EYS: variants seen among roughly 807,000 people sequenced by gnomAD.
EYS encodes the protein EGF-like photoreceptor maintenance factor, also known as protein eyes shut homolog.
EYS carries 250 observed loss-of-function variants against 282.1 expected under a neutral mutation model. The ratio of observed to expected loss-of-function variants is 0.89; its 90% confidence interval spans 0.80 to 0.98. The LOEUF is 0.98. Ranked by LOEUF, EYS falls within the 50% of genes least tolerant of loss-of-function variation. The pLI is 0.00. For synonymous variants in EYS, 1,355 were observed against 1,282.9 expected (o/e 1.06, Z -1.20); for missense variants, 4,016 against 3,709.0 (o/e 1.08, Z -2.15).
chr6:64,801,296 TAA>T (rs1042244701), intron 22 of EYS, among the ~76,000 whole-genome samples: 3 of 152,230 alleles, frequency 2.0e-5, no homozygotes, highest in Admixed American at 1.3e-4. Flanking sequence ...GAAGAAAACA[TAA>T]GTGTTTATAT....
Position 65,440,838 on chromosome 6 carries a change from A to G in EYS, c.863-35471T>C, listed in dbSNP as rs116804586. ...ACTTAATTCCTTTGTGTAGAAAAAAAATATGTGTATATATATATATATAGA... is the reference window on the plus strand; with the variant it reads ...ACTTAATTCCTTTGTGTAGAAAAAAGATATGTGTATATATATATATATAGA... On this transcript the variant is annotated intron_variant, in intron 5 of 42. Transcript: ENST00000503581. Among the ~76,000 whole-genome samples the G allele has an allele frequency of 8.6e-3, 1,250 of 145,346 alleles. 15 individuals are homozygous for G. The highest frequency in any genetic ancestry group is 0.031 in the African/African-American group (1,191 of 38,918).
In EYS at chr6:64,035,303, T is replaced by C. The variant is rs1238971627; in HGVS notation, c.6725+31035A>G. On this transcript the variant is annotated intron_variant, in intron 33 of 42. Coordinates refer to ENST00000503581, the MANE Select transcript of EYS (RefSeq NM_001142800.2). Reference sequence around the variant, plus strand: ...GATTTATATGACAGTATTAGAATAATTACAACAACCATTGAATTCCTAGAA... The same window carrying C: ...GATTTATATGACAGTATTAGAATAACTACAACAACCATTGAATTCCTAGAA... Among the ~76,000 whole-genome samples the C allele has an allele frequency of 2.6e-5, 4 of 152,246 alleles. No homozygotes were observed. In the East Asian group the frequency reaches 7.7e-4, roughly 29 times the overall value.
chr6:64,656,670 G>A (rs1486850851), intron 22 of EYS, among the ~76,000 whole-genome samples: 1 of 152,156 alleles, frequency 6.6e-6, no homozygotes, highest in Non-Finnish European at 1.5e-5. Flanking sequence ...CCACCTGATA[G>A]ACTAAGAAAG....
chr6:65,433,377 C>T (rs776721043), intron 5 of EYS, among the ~76,000 whole-genome samples: 1 of 151,834 alleles, frequency 6.6e-6, no homozygotes, highest in East Asian at 1.9e-4. Context: ...CCATTCATTC[C>T]GGGTCTTAAC....
intron 2 of EYS, among the ~76,000 whole-genome samples, chr6:65,560,304 TATATA>T (rs1395600265): frequency 1.2e-4 from 17 of 144,064 alleles, no homozygotes; most frequent in Admixed American, 2.2e-4. Context: ...CATATAATAA[TATATA>T]ATATATTATT....
intron 22 of EYS, among the ~76,000 whole-genome samples, chr6:64,701,944 T>A (rs1218267870): frequency 2.0e-5 from 3 of 151,996 alleles, no homozygotes. Flanking sequence ...CAATTTACAA[T>A]AATTATTTTG....
At chr6:64,028,837 A>C (rs1164069105) in intron 33 of EYS, among the ~76,000 whole-genome samples, 1 of 152,168 alleles carries the variant, frequency 6.6e-6, no homozygotes, top group East Asian at 1.9e-4. Flanking sequence ...CTAGCTAATC[A>C]AGGGTACAAG....
rs1491176791 is a variant in EYS, at chr6:65,382,455, C to CTCTGTGTGTGTGTGTG, written c.1299+1915_1299+1930dup. Among the ~76,000 whole-genome samples, 193 of 60,786 alleles carry CTCTGTGTGTGTGTGTG rather than the reference C, an allele frequency of 3.2e-3. 2 individuals carry two copies. The highest frequency in any genetic ancestry group is 8.9e-3 in the Middle Eastern group (1 of 112). The allele number at this position is 60,786 out of a possible 152,430, so 39.9% of individuals were successfully genotyped here. On this transcript the variant is annotated intron_variant, in intron 8 of 42. Coordinates refer to ENST00000503581, the MANE Select transcript of EYS (RefSeq NM_001142800.2). ...GGATCTATCTTTGAAGTCTCCTTTC[C>CTCTGTGTGTGTGTGTG]TCTGTGTGTGTGTGTGTGTGTGTGT...
chr6:64,097,453 C>G (rs118070556), intron 31 of EYS, among the ~76,000 whole-genome samples: 1 of 152,166 alleles, frequency 6.6e-6, no homozygotes, highest in Admixed American at 6.5e-5. Flanking sequence ...TCATCAGTTG[C>G]GGAGGCCCCT....
chr6:65,667,678 C>T (rs1768247807), intron 1 of EYS, among the ~76,000 whole-genome samples: 1 of 151,850 alleles, frequency 6.6e-6, no homozygotes, highest in Non-Finnish European at 1.5e-5. Flanking sequence ...GTTCATTCAT[C>T]TACCTCTTGA....
At chr6:64,133,884 A>T (rs925850248) in intron 31 of EYS, among the ~76,000 whole-genome samples, 1 of 151,254 alleles carries the variant, frequency 6.6e-6, no homozygotes, top group Non-Finnish European at 1.5e-5. Context: ...ATCTCTAAGT[A>T]TCCCCTAAAG....
chr6:64,902,544 T>A (rs766628711), intron 16 of EYS, 44 bp from the exon 17 acceptor site: 2 of 1,192,440 alleles, frequency 1.7e-6, no homozygotes, highest in Admixed American at 6.5e-5. Flanking sequence ...ATCCTTGTTA[T>A]AGAGTAAAAA....
chr6:65,291,576 T>C (rs2150283388), intron 12 of EYS, among the ~76,000 whole-genome samples: 1 of 151,694 alleles, frequency 6.6e-6, no homozygotes, highest in Non-Finnish European at 1.5e-5. Context: ...AAATCCACTG[T>C]TAACCTTTCA....
chr6:65,219,854 TA>T (rs1766414464), intron 12 of EYS, among the ~76,000 whole-genome samples: 1 of 152,092 alleles, frequency 6.6e-6, no homozygotes, highest in East Asian at 1.9e-4. Flanking sequence ...GGAAATCCCT[TA>T]AAAAACCATC....
Position 65,505,072 on chromosome 6 carries a change from T to G in EYS, c.-332-9079A>C, listed in dbSNP as rs561822775. On this transcript the variant is annotated intron_variant, in intron 2 of 42. Transcript: ENST00000503581. ...TTTATGAAAGAGTATTAGTTATTGA[T>G]TCAATTTCTTTAATATATGTAGGCC... 2.0e-5 allele frequency among the ~76,000 whole-genome samples: 3 copies of G among 152,040 alleles called. No individual in the cohort carries two copies. The South Asian group carries it at 6.2e-4, about 31-fold the overall frequency.
At chr6:64,959,554 G>T (rs907095297) in intron 14 of EYS, among the ~76,000 whole-genome samples, 3 of 152,116 alleles carry the variant, frequency 2.0e-5, no homozygotes, top group African/African-American at 7.2e-5. Flanking sequence ...AGATGTCAGG[G>T]TATTTGATTC....
At chr6:65,382,978 T>TAGTACCAC (rs71002303) in intron 8 of EYS, among the ~76,000 whole-genome samples, 30,139 of 151,718 alleles carry the variant, frequency 0.2, 3,127 homozygotes, top group South Asian at 0.35. Context: ...CATCACATGC[T>TAGTACCAC]AGTACCACAT....
intron 29 of EYS, among the ~76,000 whole-genome samples, chr6:64,338,601 C>G (rs1050827220): frequency 6.6e-6 from 1 of 151,870 alleles, no homozygotes; most frequent in African/African-American, 2.4e-5. Flanking sequence ...CATCAAAATA[C>G]CACCATCACT....
At chr6:64,960,504 T>C (rs1479619921) in intron 14 of EYS, among the ~76,000 whole-genome samples, 1 of 152,196 alleles carries the variant, frequency 6.6e-6, no homozygotes, top group Non-Finnish European at 1.5e-5. Context: ...AAATTATTTA[T>C]AGGTTTTCCT....
Sources: gnomAD v4.1 joint callset for allele counts (sites outside exome capture counted in the v4.1 genomes callset) on GRCh38, gnomAD v4.1.1 for gene constraint, MANE v1.5 for transcripts, NCBI Gene and HGNC (gene_info 2026-07-23, HGNC 2026-07-21) for gene names.